Variants in NAALAD2 observed in about 807,000 individuals in gnomAD.
NAALAD2 encodes N-acetylated alpha-linked acidic dipeptidase 2.
NAALAD2 carries 89 observed loss-of-function variants against 95.6 expected under a neutral mutation model. The observed-to-expected ratio is 0.93, with a 90% CI of 0.78 to 1.11. The LOEUF is 1.11. NAALAD2 is among the 50% of genes least tolerant of loss of function. The probability of loss-of-function intolerance (pLI) is 0.00; values close to 1 mark genes in which losing one functional copy is unlikely to be tolerated. For missense variants in NAALAD2, 894 were observed against 872.4 expected (o/e 1.02, Z -0.31); for synonymous variants, 264 against 294.4 (o/e 0.90, Z 1.06).
chr11:90,180,899 A>G (rs1952945549), intron 16 of NAALAD2, among the ~76,000 whole-genome samples: 1 of 152,138 alleles, frequency 6.6e-6, no homozygotes, highest in Non-Finnish European at 1.5e-5. Flanking sequence ...GAAGTTATAT[A>G]TAGGCATTGT....
At chr11:90,147,290 A>T (rs781365628) in intron 2 of NAALAD2, 40 bp from the exon 3 acceptor site, 13 of 1,503,804 alleles carry the variant, frequency 8.6e-6, no homozygotes, top group Non-Finnish European at 1.2e-5. Flanking sequence ...TCGTCTGAGC[A>T]TAGTCTTTAA....
At chr11:90,142,073 C>T (rs1453668829) in intron 2 of NAALAD2, among the ~76,000 whole-genome samples, 1 of 152,090 alleles carries the variant, frequency 6.6e-6, no homozygotes, top group Non-Finnish European at 1.5e-5. Flanking sequence ...GTTAAGAAAG[C>T]TCTCCTCTAT....
Position 90,154,154 on chromosome 11 carries a change from C to T in NAALAD2, c.796+1670C>T, listed in dbSNP as rs139754643. 1.5e-3 allele frequency among the ~76,000 whole-genome samples: 232 copies of T among 150,818 alleles called. 1 individual carries two copies. Among genetic ancestry groups the T allele is most frequent in the African/African-American group, 5.2e-3 (215 of 41,130 alleles). On this transcript the variant is annotated intron_variant, in intron 6 of 18. Transcript: ENST00000534061. ...TTTTTTTCTTTCTTTTTTGTATATA[C>T]ATTTTATAGAGGTACTCCAGTACAA...
chr11:90,186,301 AGTTT>A (rs1857140574), intron 18 of NAALAD2, among the ~76,000 whole-genome samples: 1 of 151,778 alleles, frequency 6.6e-6, no homozygotes, highest in Non-Finnish European at 1.5e-5. Flanking sequence ...TCTTGGCGAT[AGTTT>A]ACTGAGAATG....
chr11:90,159,870 C>A (rs1460067758), intron 8 of NAALAD2, among the ~76,000 whole-genome samples: 5 of 132,856 alleles, frequency 3.8e-5, no homozygotes, highest in Admixed American at 1.9e-4. Context: ...AGGAGAATCA[C>A]TTGAACCCAG....
intron 13 of NAALAD2, among the ~76,000 whole-genome samples, chr11:90,173,559 A>C (rs1952703767): frequency 6.6e-6 from 1 of 152,224 alleles, no homozygotes; most frequent in South Asian, 2.1e-4. Context: ...AAGTTTACCA[A>C]AATAAGCAGG....
chr11:90,140,403 GA>G, intron 2 of NAALAD2, among the ~76,000 whole-genome samples: 1 of 151,688 alleles, frequency 6.6e-6, no homozygotes, highest in Non-Finnish European at 1.5e-5. Context: ...AACAGTAAAT[GA>G]TAAAATACTT....
In NAALAD2 at chr11:90,191,591, A is replaced by G. The variant is rs775937807; in HGVS notation, c.2067A>G (p.Lys689=). ...TATTTGCTCCAAGTAGCCACAACAA[A>G]TATGCTGGAGAATCATTTCCTGGAA... is the stretch of plus-strand genomic sequence containing the variant. ...HIIFAPSSHN[K]YAGESFPGIY... Residue 689 remains lysine (K), a synonymous_variant, in exon 19 of 19, where the codon AAA becomes AAG. Coordinates refer to ENST00000534061, the MANE Select transcript of NAALAD2 (RefSeq NM_005467.4). 1 of 1,597,060 alleles carries G rather than the reference A, an allele frequency of 6.3e-7. No individual in the cohort carries two copies. The highest frequency in any genetic ancestry group is 8.5e-7 in the Non-Finnish European group (1 of 1,172,192).
rs1952370305 is a variant in NAALAD2, at chr11:90,164,009, T to C, written c.1278+392T>C. 5 of 328,424 alleles carry C rather than the reference T, an allele frequency of 1.5e-5. No homozygotes were observed. In the East Asian group the frequency reaches 1.6e-4, roughly 10 times the overall value. The allele number at this position is 328,424 out of a possible 1,614,324, so 20.3% of individuals were successfully genotyped here. A position where few individuals can be genotyped will look rare whatever the true frequency, so the allele number is the denominator to read the frequency against. On this transcript the variant is annotated intron_variant, in intron 11 of 18. Transcript: ENST00000534061. ...TTGAAGTTTCTTTAGAGTTCTTCCA[T>C]CTGAGAAAATATAAGATGTTCTATT...
At chr11:90,170,739 A>G (rs944182068) in intron 13 of NAALAD2, among the ~76,000 whole-genome samples, 3 of 152,148 alleles carry the variant, frequency 2.0e-5, no homozygotes, top group African/African-American at 7.2e-5. Context: ...AGAGTCACTG[A>G]TGTTTGGACT....
chr11:90,166,592 T>C (rs2134931910), intron 11 of NAALAD2, among the ~76,000 whole-genome samples: 1 of 152,244 alleles, frequency 6.6e-6, no homozygotes, highest in South Asian at 2.1e-4. Context: ...TCCCAGCACT[T>C]TGGGAGGCCA....
At chr11:90,144,740 T>TAAAAAAAAAAAAAAAAA (rs773275468) in intron 2 of NAALAD2, among the ~76,000 whole-genome samples, 2 of 90,920 alleles carry the variant, frequency 2.2e-5, no homozygotes, top group Non-Finnish European at 2.0e-5. Context: ...AAAACTCCAT[T>TAAAAAAAAAAAAAAAAA]AAAAAAAAAA....
chr11:90,190,782 A>G (rs1020799196), intron 18 of NAALAD2, among the ~76,000 whole-genome samples: 2 of 152,200 alleles, frequency 1.3e-5, no homozygotes, highest in Admixed American at 6.5e-5. Flanking sequence ...ATTAATCATT[A>G]ATCATTAATA....
intron 18 of NAALAD2, among the ~76,000 whole-genome samples, chr11:90,186,111 T>C (rs922208327): frequency 1.3e-5 from 2 of 152,118 alleles, no homozygotes; most frequent in African/African-American, 4.8e-5. Context: ...TGTGCCATGC[T>C]GGTGCGCTGC....
chr11:90,160,536 T>C (rs1952264109), intron 8 of NAALAD2, among the ~76,000 whole-genome samples: 1 of 152,242 alleles, frequency 6.6e-6, no homozygotes, highest in African/African-American at 2.4e-5. Context: ...CCTTGTTTTA[T>C]AATAAGTTTA....
At chr11:90,167,046 C>T (rs563435692) in intron 11 of NAALAD2, among the ~76,000 whole-genome samples, 2 of 152,310 alleles carry the variant, frequency 1.3e-5, no homozygotes, top group South Asian at 4.1e-4. Context: ...TGGCAGCCCT[C>T]GCTCGCTCTC....
chr11:90,172,553 C>T (rs563628058), intron 13 of NAALAD2, among the ~76,000 whole-genome samples: 22 of 152,160 alleles, frequency 1.4e-4, no homozygotes, highest in Non-Finnish European at 2.8e-4. Flanking sequence ...AATTTAATTG[C>T]CATTTTCTCA....
At chr11:90,158,998 T>A (rs1952203941) in intron 7 of NAALAD2, 1 of 422,566 alleles carries the variant, frequency 2.4e-6, no homozygotes, top group Non-Finnish European at 4.2e-6. Context: ...TTGCCATGAC[T>A]ACTTTATTTT....
At chr11:90,157,486 A>G (rs1042344979) in intron 6 of NAALAD2, among the ~76,000 whole-genome samples, 1 of 151,996 alleles carries the variant, frequency 6.6e-6, no homozygotes, top group Non-Finnish European at 1.5e-5. Context: ...TTTTTTTCCA[A>G]TTATTTATAG....
Sources: gnomAD v4.1 joint callset for allele counts (sites outside exome capture counted in the v4.1 genomes callset) on GRCh38, gnomAD v4.1.1 for gene constraint, MANE v1.5 for transcripts, NCBI Gene and HGNC (gene_info 2026-07-23, HGNC 2026-07-21) for gene names.